The following OGDH variants were observed in gnomAD, a reference collection of about 807,000 sequenced individuals.
The protein encoded by OGDH is 2-oxoglutarate dehydrogenase complex component E1.
Under a neutral mutation model 116.6 loss-of-function variants are expected in OGDH, and 38 were observed. That is an observed-to-expected ratio of 0.33 (90% CI 0.25 to 0.43). The LOEUF (loss-of-function observed/expected upper bound fraction) is 0.43. Ranked by LOEUF, OGDH falls within the 20% of genes least tolerant of loss-of-function variation. The pLI, the probability that OGDH is intolerant of heterozygous loss-of-function variation, is 1.00. For synonymous variants in OGDH, 488 were observed against 533.3 expected, an observed-to-expected ratio of 0.92 and a Z score of 1.17; for missense variants, 825 against 1,357.2, an observed-to-expected ratio of 0.61 and a Z score of 6.16.
chr7:44,632,708 C>T (rs1311226786), intron 2 of OGDH, among the ~76,000 whole-genome samples: 1 of 151,924 alleles, frequency 6.6e-6, no homozygotes, highest in African/African-American at 2.4e-5. Context: ...ACCTCCGCCT[C>T]CCCGGGTTCA....
chr7:44,627,162 A>G, intron 2 of OGDH, among the ~76,000 whole-genome samples: 1 of 152,046 alleles, frequency 6.6e-6, no homozygotes, highest in East Asian at 1.9e-4. Context: ...ACGCCCGGCT[A>G]ATTTTTGTAT....
intron 5 of OGDH, among the ~76,000 whole-genome samples, chr7:44,672,674 A>C (rs1585334841): frequency 1.6e-5 from 2 of 128,766 alleles, no homozygotes; most frequent in East Asian, 2.2e-4. Context: ...ATGGAGTCTC[A>C]CTCTATCGCC....
chr7:44,701,615 G>A lies in OGDH; in HGVS notation c.2632G>A (p.Gly878Arg), dbSNP rs1231661318. 5 of 1,614,006 alleles carry A rather than the reference G, an allele frequency of 3.1e-6. No homozygotes were observed. The highest frequency in any genetic ancestry group is 1.3e-5 in the African/African-American group (1 of 74,920). Residue 878 changes from glycine to arginine, a missense_variant and splice_region_variant, in exon 20 of 23, where the codon GGA (glycine) becomes AGA (arginine). Gly to Arg is a moderately radical substitution (Grantham distance 125). Coordinates refer to ENST00000222673, the MANE Select transcript of OGDH (RefSeq NM_002541.4). ...ATCCAGCTTTGATGAGATGCTTCCA[G>A]GTGGGTGTGAGGGAGATGGGCATTT... ...ARSSFDEMLPGTHFQRVIPED... is the reference protein window; with the variant it reads ...ARSSFDEMLPRTHFQRVIPED...
intron 17 of OGDH, 59 bp from the exon 18 acceptor site, chr7:44,698,133 A>G: frequency 6.3e-7 from 1 of 1,580,062 alleles, no homozygotes; most frequent in Non-Finnish European, 8.7e-7. Flanking sequence ...GGAACAGCAG[A>G]TGCGGCAAAT....
chr7:44,698,078 C>T, intron 17 of OGDH, 114 bp from the exon 18 acceptor site: 1 of 1,216,144 alleles, frequency 8.2e-7, no homozygotes, highest in Non-Finnish European at 1.2e-6. Context: ...CTGAACCCTG[C>T]CATCAAGAAA....
intron 9 of OGDH, among the ~76,000 whole-genome samples, chr7:44,679,879 C>T (rs931840539): frequency 1.3e-5 from 2 of 152,202 alleles, no homozygotes; most frequent in African/African-American, 4.8e-5. Flanking sequence ...CCAGCCCGCC[C>T]TGCAGACTTT....
At chr7:44,704,636 C>T (rs991853271) in intron 20 of OGDH, among the ~76,000 whole-genome samples, 3 of 151,954 alleles carry the variant, frequency 2.0e-5, no homozygotes, top group Admixed American at 6.6e-5. Context: ...TATTTTCTCC[C>T]GTTCTATGGG....
At position 44,663,376 on chromosome 7, in the gene OGDH, G is replaced by A. The variant is rs112877250; in HGVS notation, c.518-3360G>A. Among the ~76,000 whole-genome samples the A allele has an allele frequency of 7.7e-4, 118 of 152,278 alleles. 2 individuals carry two copies. The highest frequency in any genetic ancestry group is 2.6e-3 in the African/African-American group (110 of 41,570). ...GTTTGGGCCAGGTGCAGTGGCTTACGCCTGTAAGCACTTTGGGAGACCAAG... is the reference window on the plus strand; with the variant it reads ...GTTTGGGCCAGGTGCAGTGGCTTACACCTGTAAGCACTTTGGGAGACCAAG... On this transcript the variant is annotated intron_variant, in intron 4 of 22. Transcript: ENST00000222673.
intron 2 of OGDH, among the ~76,000 whole-genome samples, chr7:44,627,928 C>T (rs772107225): frequency 3.4e-4 from 51 of 152,136 alleles, no homozygotes; most frequent in Non-Finnish European, 5.7e-4. Context: ...CTGCCCACCT[C>T]AGCCTCCCAA....
chr7:44,701,516 T>TGAA, intron 19 of OGDH, 27 bp from the exon 20 acceptor site: 2 of 1,605,052 alleles, frequency 1.2e-6, no homozygotes. Flanking sequence ...ATCTGATCCT[T>TGAA]CACGAGCCTA....
chr7:44,675,318 G>C lies in OGDH; in HGVS notation c.1026+50G>C, dbSNP rs1209110630. 3 of 1,438,726 alleles carry C rather than the reference G, an allele frequency of 2.1e-6. No individual in the cohort carries two copies. In the Admixed American group the frequency reaches 5.2e-5, roughly 25 times the overall value. The allele number at this position is 1,438,726 out of a possible 1,614,324, so 89.1% of individuals were successfully genotyped here. A position where few individuals can be genotyped will look rare whatever the true frequency, so the allele number is the denominator to read the frequency against. On this transcript the variant is annotated intron_variant, in intron 8 of 22. Transcript: ENST00000222673. ...TCCAGCATAGCCCCAACTTACACAA[G>C]ACCCCTGGCTCCACTTCTTTCTTAG...
At chr7:44,628,399 T>C (rs1387301372) in intron 2 of OGDH, among the ~76,000 whole-genome samples, 1 of 151,926 alleles carries the variant, frequency 6.6e-6, no homozygotes, top group Non-Finnish European at 1.5e-5. Flanking sequence ...TTACATTTGG[T>C]TTTACACTTT....
chr7:44,615,664 G>A (rs142839706), intron 1 of OGDH, among the ~76,000 whole-genome samples: 1,825 of 152,174 alleles, frequency 0.012, 17 homozygotes, highest in Admixed American at 0.02. Context: ...AGTTTTCTTT[G>A]TCTACACCTG....
At chr7:44,621,159 G>C (rs185914101) in intron 1 of OGDH, among the ~76,000 whole-genome samples, 24 of 152,206 alleles carry the variant, frequency 1.6e-4, no homozygotes, top group Admixed American at 3.9e-4. Flanking sequence ...CTGAAGCCTT[G>C]ACCTCCTGGG....
At chr7:44,609,557 C>CTATT (rs1357711087) in intron 1 of OGDH, among the ~76,000 whole-genome samples, 1 of 151,064 alleles carries the variant, frequency 6.6e-6, no homozygotes, top group Non-Finnish European at 1.5e-5. Flanking sequence ...TGAAGCCGGG[C>CTATT]TATTGGGCTA....
At chr7:44,648,435 A>G (rs1327191579) in intron 4 of OGDH, among the ~76,000 whole-genome samples, 1 of 152,144 alleles carries the variant, frequency 6.6e-6, no homozygotes, top group African/African-American at 2.4e-5. Flanking sequence ...CTGGGCTCTC[A>G]CCTGCAGTTG....
In OGDH at chr7:44,617,681, A is replaced by G. The variant is rs145153327; in HGVS notation, c.-27-6636A>G. On this transcript the variant is annotated intron_variant, in intron 1 of 22. Coordinates refer to ENST00000222673, the MANE Select transcript of OGDH (RefSeq NM_002541.4). ...AGACAACAGCCATAGGTCTGTAGCA[A>G]ATGTGTTCATGATTCATCAGAAGAA... 8.5e-5 allele frequency among the ~76,000 whole-genome samples: 13 copies of G among 152,314 alleles called. No homozygotes were observed. The East Asian group carries it at 1.3e-3, about 16-fold the overall frequency.
intron 2 of OGDH, among the ~76,000 whole-genome samples, chr7:44,643,342 A>AT (rs1369651488): frequency 6.8e-4 from 103 of 151,874 alleles, no homozygotes; most frequent in Admixed American, 6.8e-3. Context: ...TCTTTAAGTT[A>AT]TTTTTTCTGA....
In OGDH at chr7:44,645,509, G is replaced by A. The variant is rs754068597; in HGVS notation, c.405G>A (p.Arg135=). 64 of 1,613,988 alleles carry A rather than the reference G, an allele frequency of 4.0e-5. No individual in the cohort carries two copies. The highest frequency in any genetic ancestry group is 5.0e-5 in the Non-Finnish European group (59 of 1,179,998). Residue 135 remains arginine, a synonymous_variant, in exon 3 of 23, where the codon AGG becomes AGA. Transcript: ENST00000222673. ...ACCTGGCAGTGCAGTCGCTCATCAG[G>A]GCATATCAGGTAAGGCGGGTGCTTT... The part of the protein sequence containing the change: ...EDHLAVQSLI[R]AYQIRGHHVA...
Sources: allele counts gnomAD v4.1 joint callset (sites outside exome capture counted in the v4.1 genomes callset), GRCh38; gene constraint gnomAD v4.1.1; transcripts MANE v1.5; gene names NCBI Gene and HGNC (gene_info 2026-07-23, HGNC 2026-07-21).